Variants in AUH observed in about 807,000 individuals in gnomAD.
AUH encodes the protein methylglutaconyl-CoA hydratase, mitochondrial.
Under a neutral mutation model 42.3 loss-of-function variants are expected in AUH, and 29 were observed. That is an observed-to-expected ratio of 0.69 (90% CI 0.51 to 0.93). The LOEUF (loss-of-function observed/expected upper bound fraction) is 0.93, where lower values mean the gene tolerates loss of function less well. Among genes scored for constraint, AUH ranks in the 40% least tolerant of loss-of-function variants. The pLI is 0.00. For synonymous variants in AUH, 174 were observed against 166.4 expected (o/e 1.05, Z -0.35); for missense variants, 452 against 438.1 (o/e 1.03, Z -0.28).
intron 6 of AUH, among the ~76,000 whole-genome samples, chr9:91,247,905 T>G (rs932115810): frequency 6.6e-6 from 1 of 152,258 alleles, no homozygotes; most frequent in African/African-American, 2.4e-5. Context: ...TCTACAAATT[T>G]TGGATACAAG....
intron 1 of AUH, 120 bp from the exon 2 acceptor site, chr9:91,356,275 C>T (rs908356683): frequency 7.3e-6 from 6 of 820,666 alleles, no homozygotes; most frequent in South Asian, 4.4e-5. Context: ...CATGACATCA[C>T]GTTCCCTTCA....
intron 3 of AUH, among the ~76,000 whole-genome samples, chr9:91,344,527 G>A (rs1386302283): frequency 6.6e-6 from 1 of 152,126 alleles, no homozygotes; most frequent in African/African-American, 2.4e-5. Context: ...TACAGAATTT[G>A]ACTTTTCAAA....
At chr9:91,234,271 C>T (rs1317476215) in intron 6 of AUH, among the ~76,000 whole-genome samples, 1 of 152,170 alleles carries the variant, frequency 6.6e-6, no homozygotes, top group African/African-American at 2.4e-5. Context: ...TCAGGTCTGG[C>T]CTGCTGGATG....
At chr9:91,285,581 T>C (rs918077351) in intron 6 of AUH, among the ~76,000 whole-genome samples, 1 of 152,076 alleles carries the variant, frequency 6.6e-6, no homozygotes, top group Non-Finnish European at 1.5e-5. Flanking sequence ...AGGGCAGTTA[T>C]GATGTTTGCT....
At chr9:91,311,808 A>G (rs1055569353) in intron 4 of AUH, among the ~76,000 whole-genome samples, 5 of 152,218 alleles carry the variant, frequency 3.3e-5, no homozygotes, top group African/African-American at 1.2e-4. Flanking sequence ...GGTAAGAAAC[A>G]ACAGCTGTTA....
intron 3 of AUH, among the ~76,000 whole-genome samples, chr9:91,339,812 T>C (rs557230846): frequency 6.6e-5 from 10 of 152,138 alleles, no homozygotes; most frequent in Non-Finnish European, 1.5e-4. Context: ...AAGACTACCA[T>C]CTGGGATCCT....
chr9:91,253,219 C>G (rs1437693057), intron 6 of AUH, among the ~76,000 whole-genome samples: 1 of 152,102 alleles, frequency 6.6e-6, no homozygotes, highest in Non-Finnish European at 1.5e-5. Context: ...TTACTAGTTA[C>G]CATTCTAATG....
intron 6 of AUH, among the ~76,000 whole-genome samples, chr9:91,232,359 C>T (rs77754279): frequency 0.027 from 4,058 of 152,112 alleles, 90 homozygotes; most frequent in Non-Finnish European, 0.044. Context: ...GGTGACAGAG[C>T]GAGATCTGTC....
chr9:91,279,185 A>G (rs187220147), intron 6 of AUH, among the ~76,000 whole-genome samples: 65 of 152,336 alleles, frequency 4.3e-4, no homozygotes, highest in Admixed American at 1.6e-3. Context: ...AAGTAACAAC[A>G]AAAATAAAGT....
At chr9:91,239,770 C>G (rs902902691) in intron 6 of AUH, among the ~76,000 whole-genome samples, 1 of 152,088 alleles carries the variant, frequency 6.6e-6, no homozygotes, top group Non-Finnish European at 1.5e-5. Context: ...CACACACGCA[C>G]GCACAAGACA....
intron 5 of AUH, among the ~76,000 whole-genome samples, chr9:91,296,357 A>G (rs1827331623): frequency 6.6e-6 from 1 of 152,150 alleles, no homozygotes; most frequent in Non-Finnish European, 1.5e-5. Context: ...ATTAGACCCA[A>G]TATTGCCAAG....
At chr9:91,324,973 A>T (rs1829868387) in intron 4 of AUH, among the ~76,000 whole-genome samples, 1 of 152,088 alleles carries the variant, frequency 6.6e-6, no homozygotes. Context: ...AAGTCTTAAA[A>T]AAGTATGATC....
At chr9:91,361,501 G>A in intron 1 of AUH, 127 bp downstream of exon 1, 2 of 1,309,306 alleles carry the variant, frequency 1.5e-6, no homozygotes, top group Non-Finnish European at 2.1e-6. Context: ...GAAAGGGGAG[G>A]GACCCAGGTT....
At chr9:91,245,885 G>C (rs1486944869) in intron 6 of AUH, among the ~76,000 whole-genome samples, 1 of 152,144 alleles carries the variant, frequency 6.6e-6, no homozygotes. Flanking sequence ...CTCATGGACT[G>C]TGCCCATCCT....
intron 1 of AUH, among the ~76,000 whole-genome samples, chr9:91,359,940 T>C (rs1832721895): frequency 6.6e-6 from 1 of 152,014 alleles, no homozygotes; most frequent in Non-Finnish European, 1.5e-5. Context: ...TTCTTGCCAA[T>C]TCTCAAAGGA....
chr9:91,237,476 A>T (rs59183509), intron 6 of AUH, among the ~76,000 whole-genome samples: 3,899 of 152,334 alleles, frequency 0.026, 81 homozygotes, highest in East Asian at 0.059. Flanking sequence ...TAATATTAAA[A>T]TGAGTTTCTA....
chr9:91,221,045 A>T, intron 6 of AUH, 53 bp from the exon 7 acceptor site: 1 of 1,578,460 alleles, frequency 6.3e-7, no homozygotes, highest in South Asian at 1.1e-5. Context: ...GTTAGTTTTA[A>T]CACTTCAGTG....
chr9:91,295,523 G>A (rs768688133), intron 6 of AUH, among the ~76,000 whole-genome samples: 3 of 152,150 alleles, frequency 2.0e-5, no homozygotes, highest in African/African-American at 7.2e-5. Context: ...GTCAACTGAT[G>A]TGGCAAACTG....
intron 6 of AUH, among the ~76,000 whole-genome samples, chr9:91,266,631 T>C (rs1321789958): frequency 1.3e-5 from 2 of 152,202 alleles, no homozygotes; most frequent in African/African-American, 2.4e-5. Context: ...AATTTGATTT[T>C]GTAACCAGGT....
Sources: gnomAD v4.1 joint callset for allele counts (sites outside exome capture counted in the v4.1 genomes callset) on GRCh38, gnomAD v4.1.1 for gene constraint, MANE v1.5 for transcripts, NCBI Gene and HGNC (gene_info 2026-07-23, HGNC 2026-07-21) for gene names.